Variants in TMEM163 observed in about 807,000 individuals in gnomAD.
TMEM163 encodes the protein transmembrane protein 163.
A neutral mutation model predicts 29.3 loss-of-function variants in TMEM163; 17 were observed. The observed-to-expected ratio is 0.58, with a 90% CI of 0.40 to 0.87. The LOEUF (loss-of-function observed/expected upper bound fraction) is 0.87, where lower values mean the gene tolerates loss of function less well. TMEM163 is among the 40% of genes least tolerant of loss of function. The pLI is 0.00. For synonymous variants in TMEM163, 157 were observed against 160.6 expected, an observed-to-expected ratio of 0.98 and a Z score of 0.17; for missense variants, 303 against 381.5, an observed-to-expected ratio of 0.79 and a Z score of 1.71.
intron 2 of TMEM163, among the ~76,000 whole-genome samples, chr2:134,615,083 A>G (rs1574282408): frequency 6.6e-6 from 1 of 152,296 alleles, no homozygotes; most frequent in East Asian, 1.9e-4. Context: ...AAGTGAGTGC[A>G]TGTACTAAAG....
rs5834423 is a variant in TMEM163 at position 134,689,110 on chromosome 2, G to GTTT, written c.322+24087_322+24089dup. Among the ~76,000 whole-genome samples the GTTT allele has an allele frequency of 4.8e-3, 624 of 130,896 alleles. 16 individuals carry two copies. Among genetic ancestry groups the GTTT allele is most frequent in the African/African-American group, 0.017 (596 of 35,270 alleles). The allele number at this position is 130,896 out of a possible 152,430, so 85.9% of individuals were successfully genotyped here. On this transcript the variant is annotated intron_variant, in intron 2 of 7. Coordinates refer to ENST00000281924, the MANE Select transcript of TMEM163 (RefSeq NM_030923.5). ...ATGGAGTGCCTAAGTTTTTTGTTTT[G>GTTT]TTTTTTTTTTTTTTTTGAGATGGAG...
intron 2 of TMEM163, among the ~76,000 whole-genome samples, chr2:134,635,963 C>T (rs1011863818): frequency 9.2e-5 from 14 of 152,192 alleles, no homozygotes; most frequent in Non-Finnish European, 1.8e-4. Flanking sequence ...TAAAATCCCC[C>T]AAACCCTCCA....
chr2:134,663,253 G>C (rs1412249373), intron 2 of TMEM163, among the ~76,000 whole-genome samples: 1 of 152,214 alleles, frequency 6.6e-6, no homozygotes, highest in African/African-American at 2.4e-5. Flanking sequence ...TTTGCTTAAG[G>C]CAGCTCAGGC....
intron 2 of TMEM163, among the ~76,000 whole-genome samples, chr2:134,572,575 A>C (rs1681457541): frequency 6.6e-6 from 1 of 152,176 alleles, no homozygotes; most frequent in Admixed American, 6.5e-5. Context: ...TATTTCACAG[A>C]AGCAGTACTG....
Position 134,718,763 on chromosome 2 carries a change from C to T in TMEM163, c.173G>A (p.Gly58Asp). Residue 58 changes from glycine to aspartate, a missense_variant, in exon 1 of 8, where the codon GGC (glycine) becomes GAC (aspartate). Gly to Asp is a moderately conservative substitution (Grantham distance 94). Transcript: ENST00000281924. ...EERQVRISES[G>D]QFSDGLEDRG... ...GTCCTCCAGCCCGTCGCTGAACTGG[C>T]CGCTCTCGCTGATCCGCACCTGCCG... The T allele has an allele frequency of 8.7e-7, 1 of 1,154,504 alleles. No homozygotes were observed. The highest frequency in any genetic ancestry group is 4.2e-5 in the East Asian group (1 of 24,010). 71.5% of individuals were successfully genotyped at this position (1,154,504 alleles called of 1,614,324 possible).
chr2:134,507,615 T>C (rs1679853589), intron 4 of TMEM163, among the ~76,000 whole-genome samples: 3 of 152,124 alleles, frequency 2.0e-5, no homozygotes, highest in Admixed American at 1.3e-4. Flanking sequence ...CCTGTAATTC[T>C]AGCACTTTCA....
intron 2 of TMEM163, among the ~76,000 whole-genome samples, chr2:134,692,986 T>A (rs1684503947): frequency 6.6e-6 from 1 of 152,182 alleles, no homozygotes; most frequent in Admixed American, 6.5e-5. Context: ...ACGTTCCAGT[T>A]GCAGGTTTCC....
intron 4 of TMEM163, among the ~76,000 whole-genome samples, chr2:134,534,608 G>A (rs1680489605): frequency 6.6e-6 from 1 of 152,030 alleles, no homozygotes; most frequent in South Asian, 2.1e-4. Flanking sequence ...CAAAAAATTA[G>A]CCAGGTGGGG....
intron 4 of TMEM163, among the ~76,000 whole-genome samples, chr2:134,513,464 C>T (rs116671919): frequency 4.3e-4 from 66 of 152,310 alleles, no homozygotes; most frequent in Non-Finnish European, 7.2e-4. Flanking sequence ...GAAGGTTCCA[C>T]GACGGATCCA....
chr2:134,499,518 T>C (rs1679654584), intron 5 of TMEM163, among the ~76,000 whole-genome samples: 1 of 152,212 alleles, frequency 6.6e-6, no homozygotes, highest in Non-Finnish European at 1.5e-5. Flanking sequence ...GAGAGCCAGC[T>C]GGCCTGACTG....
chr2:134,624,545 C>T lies in TMEM163; in HGVS notation c.323-72454G>A, dbSNP rs186530288. 2.5e-3 allele frequency among the ~76,000 whole-genome samples: 385 copies of T among 152,210 alleles called. 11 individuals carry two copies. Among genetic ancestry groups the T allele is most frequent in the Admixed American group, 0.019 (288 of 15,276 alleles). On this transcript the variant is annotated intron_variant, in intron 2 of 7. Coordinates refer to ENST00000281924, the MANE Select transcript of TMEM163 (RefSeq NM_030923.5). ...GTGATGAAATATTCTGTACAACAAA[C>T]CCCCATGACATAGTTTACCTATGGA...
intron 1 of TMEM163, 36 bp downstream of exon 1, chr2:134,718,698 C>A: frequency 8.8e-7 from 1 of 1,132,910 alleles, no homozygotes; most frequent in Non-Finnish European, 1.1e-6. Context: ...GAGCAGCCAC[C>A]CCGGTCGCCG....
chr2:134,488,504 A>G (rs1282009083), intron 5 of TMEM163, among the ~76,000 whole-genome samples: 1 of 152,216 alleles, frequency 6.6e-6, no homozygotes, highest in African/African-American at 2.4e-5. Flanking sequence ...GTGAACTGCC[A>G]GGAGCTCTCA....
intron 4 of TMEM163, among the ~76,000 whole-genome samples, chr2:134,514,306 T>A (rs1490897224): frequency 6.6e-6 from 1 of 151,460 alleles, no homozygotes; most frequent in Non-Finnish European, 1.5e-5. Context: ...AAGTCGGGGG[T>A]GTCAATCTTT....
intron 2 of TMEM163, among the ~76,000 whole-genome samples, chr2:134,675,054 CCT>C (rs959100022): frequency 2.0e-5 from 3 of 152,154 alleles, no homozygotes; most frequent in Non-Finnish European, 4.4e-5. Context: ...ATTTAGAGAG[CCT>C]CTCTCTCTGT....
chr2:134,572,608 G>A (rs980520024), intron 2 of TMEM163, among the ~76,000 whole-genome samples: 2 of 152,178 alleles, frequency 1.3e-5, no homozygotes, highest in Non-Finnish European at 2.9e-5. Context: ...GAAACAACTT[G>A]ACTGGGCCTC....
intron 5 of TMEM163, among the ~76,000 whole-genome samples, chr2:134,496,556 G>A (rs747531377): frequency 6.6e-6 from 1 of 152,170 alleles, no homozygotes; most frequent in African/African-American, 2.4e-5. Flanking sequence ...CACCTCGCCA[G>A]AGCCACAATC....
chr2:134,516,989 G>A (rs1001156386), intron 4 of TMEM163, among the ~76,000 whole-genome samples: 3 of 151,924 alleles, frequency 2.0e-5, no homozygotes, highest in African/African-American at 7.3e-5. Flanking sequence ...TAGTTTACAT[G>A]GATTTTTCTG....
chr2:134,656,156 G>A lies in TMEM163; in HGVS notation c.322+57044C>T, dbSNP rs1010324568. Among the ~76,000 whole-genome samples the A allele has an allele frequency of 4.8e-5, 7 of 144,864 alleles. 1 individual carries two copies. Among genetic ancestry groups the A allele is most frequent in the African/African-American group, 8.3e-5 (3 of 36,100 alleles). On this transcript the variant is annotated intron_variant, in intron 2 of 7. Coordinates refer to ENST00000281924, the MANE Select transcript of TMEM163 (RefSeq NM_030923.5). ...GCGCCCCTCCCCCAGCCTCGCTGCC[G>A]CCTTGCAGTTTGATCTCAGACTGCT...
Sources: gnomAD v4.1 joint callset for allele counts (sites outside exome capture counted in the v4.1 genomes callset) on GRCh38, gnomAD v4.1.1 for gene constraint, MANE v1.5 for transcripts, NCBI Gene and HGNC (gene_info 2026-07-23, HGNC 2026-07-21) for gene names.